CSMD1: variants seen among roughly 807,000 people sequenced by gnomAD.
CSMD1 encodes CUB and Sushi multiple domains 1.
A neutral mutation model predicts 417.5 loss-of-function variants in CSMD1; 213 were observed. The observed-to-expected ratio is 0.51, with a 90% CI of 0.46 to 0.57. CSMD1 has a LOEUF of 0.57. Ranked by LOEUF, CSMD1 falls within the 20% of genes least tolerant of loss-of-function variation. The pLI, the probability that CSMD1 is intolerant of heterozygous loss-of-function variation, is 0.00. For missense variants in CSMD1, 6,923 were observed against 4,529.7 expected (o/e 1.53, Z -15.17); for synonymous variants, 2,862 against 1,736.8 (o/e 1.65, Z -16.11).
At chr8:4,204,761 C>G (rs565180402) in intron 3 of CSMD1, among the ~76,000 whole-genome samples, 3 of 152,244 alleles carry the variant, frequency 2.0e-5, no homozygotes, top group African/African-American at 7.2e-5. Context: ...CTCAATCAAT[C>G]CTCCTGCCTC....
intron 3 of CSMD1, among the ~76,000 whole-genome samples, chr8:4,154,618 G>C (rs1042699010): frequency 1.3e-5 from 2 of 152,118 alleles, no homozygotes; most frequent in Admixed American, 6.5e-5. Flanking sequence ...GCCTACAAAA[G>C]GCCTAAGTAA....
intron 6 of CSMD1, among the ~76,000 whole-genome samples, chr8:3,712,619 C>T (rs747717604): frequency 3.9e-5 from 6 of 152,172 alleles, no homozygotes; most frequent in Non-Finnish European, 7.4e-5. Context: ...GCTTTTGTGT[C>T]TAATCTCAGA....
intron 14 of CSMD1, 73 bp from the exon 15 acceptor site, chr8:3,406,294 A>G: frequency 8.0e-7 from 1 of 1,251,946 alleles, no homozygotes; most frequent in Non-Finnish European, 1.1e-6. Context: ...AAAAGAAGAA[A>G]ACAGAACAAG....
At chr8:4,779,643 C>G (rs1231703213) in intron 1 of CSMD1, among the ~76,000 whole-genome samples, 1 of 152,202 alleles carries the variant, frequency 6.6e-6, no homozygotes, top group Non-Finnish European at 1.5e-5. Flanking sequence ...CTCTGGCAAG[C>G]TGGCTTTAGC....
intron 3 of CSMD1, among the ~76,000 whole-genome samples, chr8:4,091,912 G>C (rs558425528): frequency 6.6e-6 from 1 of 152,156 alleles, no homozygotes; most frequent in Non-Finnish European, 1.5e-5. Flanking sequence ...TAAATAGTCA[G>C]TGCTCCCAGT....
At chr8:3,980,999 C>A (rs1288811058) in intron 5 of CSMD1, among the ~76,000 whole-genome samples, 1 of 152,192 alleles carries the variant, frequency 6.6e-6, no homozygotes, top group Non-Finnish European at 1.5e-5. Flanking sequence ...TACCCACACC[C>A]AGAGGTTCTT....
At chr8:3,809,428 C>G (rs1203246905) in intron 5 of CSMD1, among the ~76,000 whole-genome samples, 1 of 152,218 alleles carries the variant, frequency 6.6e-6, no homozygotes, top group Non-Finnish European at 1.5e-5. Flanking sequence ...CCTTCTCCAT[C>G]AAAAGTGATT....
intron 5 of CSMD1, among the ~76,000 whole-genome samples, chr8:3,969,272 G>A (rs1269555580): frequency 2.0e-5 from 3 of 152,062 alleles, no homozygotes; most frequent in South Asian, 4.2e-4. Context: ...TAAAAAGAGT[G>A]GCTGTAGCTG....
chr8:4,889,299 T>A (rs974067813), intron 1 of CSMD1, among the ~76,000 whole-genome samples: 1 of 152,084 alleles, frequency 6.6e-6, no homozygotes, highest in African/African-American at 2.4e-5. Flanking sequence ...TGAGGAAACA[T>A]TAGAGAAACT....
chr8:4,679,956 T>G (rs1199510750), intron 1 of CSMD1, among the ~76,000 whole-genome samples: 1 of 152,208 alleles, frequency 6.6e-6, no homozygotes, highest in Non-Finnish European at 1.5e-5. Flanking sequence ...CAGGGCAGAT[T>G]TAGAACCATA....
rs371065139 is a variant in CSMD1, at chr8:4,172,084, G to A, written c.416-139985C>T. ...AAGTATCTCTTTCTCAGGGGAAGGC[G>A]TATCACGGAGAGTTTATCATGCGGA... On this transcript the variant is annotated intron_variant, in intron 3 of 69. Coordinates refer to ENST00000635120, the MANE Select transcript of CSMD1 (RefSeq NM_033225.6). Among the ~76,000 whole-genome samples, 33 of 152,228 alleles carry A rather than the reference G, an allele frequency of 2.2e-4. 1 individual carries two copies. Among genetic ancestry groups the A allele is most frequent in the South Asian group, 4.2e-4 (2 of 4,816 alleles).
chr8:3,925,532 G>C (rs76080846), intron 5 of CSMD1, among the ~76,000 whole-genome samples: 1 of 152,182 alleles, frequency 6.6e-6, no homozygotes, highest in Non-Finnish European at 1.5e-5. Context: ...AAAACTTCCA[G>C]AATTCCCAGG....
rs531446634 is a variant in CSMD1, at chr8:4,337,845, C to T, written c.415+82108G>A. Among the ~76,000 whole-genome samples, 61 of 152,198 alleles carry T rather than the reference C, an allele frequency of 4.0e-4. 1 individual carries two copies. Among genetic ancestry groups the T allele is most frequent in the African/African-American group, 1.3e-3 (52 of 41,552 alleles). On this transcript the variant is annotated intron_variant, in intron 3 of 69. Coordinates refer to ENST00000635120, the MANE Select transcript of CSMD1 (RefSeq NM_033225.6). ...CAGGTAATTATAAAACTTCTTGTTC[C>T]TTCGTAAAGACTTTAAGAGTAAAAA...
chr8:3,711,553 C>G (rs77631901), intron 6 of CSMD1, among the ~76,000 whole-genome samples: 3,718 of 152,272 alleles, frequency 0.024, 143 homozygotes, highest in African/African-American at 0.085. Context: ...TGGCGTCTTC[C>G]TCCTCTTCTC....
intron 1 of CSMD1, among the ~76,000 whole-genome samples, chr8:4,765,735 A>T (rs142625564): frequency 6.6e-6 from 1 of 152,274 alleles, no homozygotes; most frequent in Non-Finnish European, 1.5e-5. Context: ...AAGAGGAGGA[A>T]TTTTAGTTGG....
intron 5 of CSMD1, among the ~76,000 whole-genome samples, chr8:3,793,626 G>A (rs1306815024): frequency 1.3e-5 from 2 of 151,968 alleles, no homozygotes; most frequent in Non-Finnish European, 2.9e-5. Flanking sequence ...ATGTCCCCCA[G>A]AAGCCTCACC....
chr8:3,077,713 C>T (rs1050089195), intron 49 of CSMD1, among the ~76,000 whole-genome samples: 4 of 152,262 alleles, frequency 2.6e-5, no homozygotes, highest in Non-Finnish European at 5.9e-5. Flanking sequence ...CTTGCCTACA[C>T]ATTTTCCCCC....
chr8:4,388,266 C>G (rs1480430938), intron 3 of CSMD1, among the ~76,000 whole-genome samples: 2 of 150,886 alleles, frequency 1.3e-5, no homozygotes, highest in Non-Finnish European at 1.5e-5. Context: ...GGAATGAACC[C>G]AAATATCCAT....
Position 3,998,079 on chromosome 8 carries a change from C to T in CSMD1, c.642G>A (p.Gly214=). Residue 214 remains glycine, a synonymous_variant, in exon 5 of 70, where the codon GGG becomes GGA. Transcript: ENST00000635120. ...AEGACGGTLR[G]TSSSISSPHF... ...GCGGGCTGGAGATGGAGCTGCTGGT[C>T]CCGCGTAAGGTTCCTCCGCAGGCTC... 1 of 1,585,424 alleles carries T rather than the reference C, an allele frequency of 6.3e-7. No homozygotes were observed. The highest frequency in any genetic ancestry group is 8.6e-7 in the Non-Finnish European group (1 of 1,165,020).
Sources: allele counts gnomAD v4.1 joint callset (sites outside exome capture counted in the v4.1 genomes callset), GRCh38; gene constraint gnomAD v4.1.1; transcripts MANE v1.5; gene names NCBI Gene and HGNC (gene_info 2026-07-23, HGNC 2026-07-21).